The following G2E3 variants were observed in gnomAD, a reference collection of about 807,000 sequenced individuals.
G2E3 encodes the protein G2/M-phase specific E3 ubiquitin protein ligase.
In G2E3, 35 loss-of-function variants were observed where a neutral mutation model predicts 92.8. That is an observed-to-expected ratio of 0.38 (90% CI 0.29 to 0.50). The LOEUF (loss-of-function observed/expected upper bound fraction) is 0.50, where lower values mean the gene tolerates loss of function less well. G2E3 is among the 20% of genes least tolerant of loss of function. The probability of loss-of-function intolerance (pLI) is 0.94; values close to 1 mark genes in which losing one functional copy is unlikely to be tolerated. For synonymous variants in G2E3, 242 were observed against 272.4 expected (o/e 0.89, Z 1.10); for missense variants, 554 against 823.8 (o/e 0.67, Z 4.01).
At position 30,580,980 on chromosome 14, in the gene G2E3, G is replaced by A; in HGVS notation, c.-4-96G>A. ...AAATTTAAATACTAGAGTATTAGATGACTTATTTGTCATTATGCATTGACT... is the reference window on the plus strand; with the variant it reads ...AAATTTAAATACTAGAGTATTAGATAACTTATTTGTCATTATGCATTGACT... On this transcript the variant is annotated intron_variant, in intron 1 of 14. Transcript: ENST00000206595. 3 of 735,990 alleles carry A rather than the reference G, an allele frequency of 4.1e-6. No homozygotes were observed. In the Admixed American group the frequency reaches 6.2e-5, roughly 15 times the overall value. 45.6% of individuals were successfully genotyped at this position (735,990 alleles called of 1,614,324 possible).
At chr14:30,583,527 G>C (rs1880543363) in intron 2 of G2E3, among the ~76,000 whole-genome samples, 1 of 152,170 alleles carries the variant, frequency 6.6e-6, no homozygotes, top group South Asian at 2.1e-4. Context: ...GGGAGGATTG[G>C]GAGATGTTGG....
At chr14:30,606,224 C>T (rs868480424) in intron 11 of G2E3, among the ~76,000 whole-genome samples, 3 of 150,766 alleles carry the variant, frequency 2.0e-5, no homozygotes, top group Non-Finnish European at 4.4e-5. Context: ...TTTCAGTATA[C>T]TTTTGTTTGC....
At chr14:30,568,345 T>C (rs1040478191) in intron 1 of G2E3, among the ~76,000 whole-genome samples, 1 of 152,148 alleles carries the variant, frequency 6.6e-6, no homozygotes, top group African/African-American at 2.4e-5. Flanking sequence ...ATGTATGGAT[T>C]TTAAAAAAAT....
At chr14:30,563,736 T>TGTGTGTGTGTGTGA (rs59557580) in intron 1 of G2E3, among the ~76,000 whole-genome samples, 3 of 142,418 alleles carry the variant, frequency 2.1e-5, no homozygotes, top group African/African-American at 7.8e-5. Flanking sequence ...TGTGTGTGTG[T>TGTGTGTGTGTGTGA]GTGATATAGA....
chr14:30,569,813 GA>G (rs968917130), intron 1 of G2E3, among the ~76,000 whole-genome samples: 1 of 152,114 alleles, frequency 6.6e-6, no homozygotes, highest in Admixed American at 6.5e-5. Context: ...CCAAATGGCA[GA>G]ATCAGCAAGA....
intron 3 of G2E3, among the ~76,000 whole-genome samples, chr14:30,588,399 T>C (rs1257296055): frequency 4.0e-5 from 6 of 151,562 alleles, no homozygotes; most frequent in Admixed American, 3.9e-4. Flanking sequence ...TTATCACTTG[T>C]TTTTCTTTAC....
chr14:30,566,021 T>C (rs1879414401), intron 1 of G2E3, among the ~76,000 whole-genome samples: 1 of 152,182 alleles, frequency 6.6e-6, no homozygotes, highest in Non-Finnish European at 1.5e-5. Context: ...AAGAGACTGT[T>C]TTCTTCCCAT....
Position 30,615,458 on chromosome 14 carries a change from C to G in G2E3, c.1783C>G (p.Leu595Val), listed in dbSNP as rs1037346027. Residue 595 changes from leucine to valine, a missense_variant, in exon 14 of 15, where the codon CTT becomes GTT. Coordinates refer to ENST00000206595, the MANE Select transcript of G2E3 (RefSeq NM_017769.5). ...HKPESLSAKI[L>V]SELFTVHTLP... ...ACCTGAGAGTCTTTCTGCAAAAATC[C>G]TTAGTGAGCTTTTTACAGTACACAC... 1 of 1,611,654 alleles carries G rather than the reference C, an allele frequency of 6.2e-7. No homozygotes were observed.
rs1472785968 is a variant in G2E3 at position 30,617,656 on chromosome 14, A to G, written c.*1122A>G. ...AAGGATAGAATGAAAAACCCATTCT[A>G]ATGTCACCACTCAGAGATAAGTACC... On this transcript the variant is annotated 3_prime_UTR_variant, in exon 15 of 15. Coordinates refer to ENST00000206595, the MANE Select transcript of G2E3 (RefSeq NM_017769.5). The G allele has an allele frequency of 1.3e-5, 2 of 152,108 alleles. No individual in the cohort carries two copies. Among genetic ancestry groups the G allele is most frequent in the African/African-American group, 4.8e-5 (2 of 41,442 alleles). The allele number at this position is 152,108 out of a possible 1,614,324, so 9.4% of individuals were successfully genotyped here. A position where few individuals can be genotyped will look rare whatever the true frequency, so the allele number is the denominator to read the frequency against.
At chr14:30,576,451 T>G (rs1880096319) in intron 1 of G2E3, among the ~76,000 whole-genome samples, 1 of 152,114 alleles carries the variant, frequency 6.6e-6, no homozygotes, top group Non-Finnish European at 1.5e-5. Context: ...ATCCTGGACA[T>G]AAGAATGGGC....
At chr14:30,610,544 A>G (rs1305626806) in intron 12 of G2E3, among the ~76,000 whole-genome samples, 1 of 152,210 alleles carries the variant, frequency 6.6e-6, no homozygotes, top group Non-Finnish European at 1.5e-5. Flanking sequence ...CAGAGGTGGC[A>G]GTGAGCCGGG....
At chr14:30,613,446 A>G (rs1882182717) in intron 13 of G2E3, among the ~76,000 whole-genome samples, 1 of 152,144 alleles carries the variant, frequency 6.6e-6, no homozygotes, top group Non-Finnish European at 1.5e-5. Context: ...TATTGTTTTT[A>G]ATTCTTTCGA....
Position 30,586,811 on chromosome 14 carries a change from GT to G in G2E3, c.134del (p.Leu45CysfsTer2). On this transcript the variant is annotated frameshift_variant, in exon 3 of 15. Transcript: ENST00000206595. LOFTEE classifies it high-confidence loss of function. ...TGGAATCTCACTGTACATTACTACT[GT>G]TTGGTGAGTATAATTTATAATTAAA... ...EKWNLTVHYYCLLMSSGIWQR... is the reference protein window; with the variant it reads ...EKWNLTVHYYXLLMSSGIWQR... The G allele has an allele frequency of 1.9e-6, 2 of 1,073,034 alleles. No individual in the cohort carries two copies. The highest frequency in any genetic ancestry group is 2.7e-6 in the Non-Finnish European group (2 of 747,032). 66.5% of individuals were successfully genotyped at this position (1,073,034 alleles called of 1,614,324 possible).
chr14:30,579,351 G>T lies in G2E3; in HGVS notation c.-4-1725G>T, dbSNP rs894978517. 2.0e-5 allele frequency among the ~76,000 whole-genome samples: 3 copies of T among 152,068 alleles called. No individual in the cohort carries two copies. In the East Asian group the frequency reaches 5.8e-4, roughly 29 times the overall value. ...TCTTAATGGCATAGAATATTATTTT[G>T]TAAGGAATAAACAAAATATTGAAAG... On this transcript the variant is annotated intron_variant, in intron 1 of 14. Coordinates refer to ENST00000206595, the MANE Select transcript of G2E3 (RefSeq NM_017769.5).
Position 30,616,739 on chromosome 14 carries a change from G to A in G2E3, c.*205G>A. The A allele has an allele frequency of 2.4e-6, 1 of 413,540 alleles. No individual in the cohort carries two copies. The highest frequency in any genetic ancestry group is 4.5e-5 in the East Asian group (1 of 22,368). 25.6% of individuals were successfully genotyped at this position (413,540 alleles called of 1,614,324 possible). ...TTAAAGCATACTAGTCAAAATTGGT[G>A]ATAATTTCTCATTTTCTTGATATAG... On this transcript the variant is annotated 3_prime_UTR_variant, in exon 15 of 15. Coordinates refer to ENST00000206595, the MANE Select transcript of G2E3 (RefSeq NM_017769.5).
intron 1 of G2E3, among the ~76,000 whole-genome samples, chr14:30,570,783 G>A (rs1879712631): frequency 6.6e-6 from 1 of 152,080 alleles, no homozygotes; most frequent in Admixed American, 6.6e-5. Context: ...GGGAGGTACA[G>A]GCCTGCAGAG....
At chr14:30,597,893 T>C (rs935946834) in intron 7 of G2E3, among the ~76,000 whole-genome samples, 2 of 152,216 alleles carry the variant, frequency 1.3e-5, no homozygotes, top group Admixed American at 6.5e-5. Context: ...ATAATGATAG[T>C]GAACTTAAAA....
intron 8 of G2E3, among the ~76,000 whole-genome samples, chr14:30,601,395 T>C (rs17096940): frequency 0.033 from 4,994 of 152,306 alleles, 277 homozygotes; most frequent in Admixed American, 0.16. Flanking sequence ...CCTTGAAATT[T>C]ACTGAATGTT....
intron 1 of G2E3, among the ~76,000 whole-genome samples, chr14:30,576,756 C>T (rs1290429144): frequency 2.6e-5 from 4 of 152,122 alleles, no homozygotes; most frequent in Non-Finnish European, 5.9e-5. Context: ...AATGCATAGA[C>T]TAAGTTGAAC....
Sources: gnomAD v4.1 joint callset for allele counts (sites outside exome capture counted in the v4.1 genomes callset) on GRCh38, gnomAD v4.1.1 for gene constraint, MANE v1.5 for transcripts, NCBI Gene and HGNC (gene_info 2026-07-23, HGNC 2026-07-21) for gene names.